Variants in KBTBD12 observed in about 807,000 individuals in gnomAD.
KBTBD12 encodes the protein kelch repeat and BTB domain containing 12.
A neutral mutation model predicts 58.7 loss-of-function variants in KBTBD12; 53 were observed. The observed-to-expected ratio is 0.90, with a 90% CI of 0.72 to 1.14. KBTBD12 has a LOEUF of 1.14. Ranked by LOEUF, KBTBD12 falls within the 50% of genes most tolerant of loss-of-function variation. The probability of loss-of-function intolerance (pLI) is 0.00; values close to 1 mark genes in which losing one functional copy is unlikely to be tolerated. For missense variants in KBTBD12, 704 were observed against 751.3 expected (o/e 0.94, Z 0.74); for synonymous variants, 236 against 259.8 (o/e 0.91, Z 0.88).
chr3:127,974,065 A>G (rs1191030340), intron 5 of KBTBD12, among the ~76,000 whole-genome samples: 1 of 152,226 alleles, frequency 6.6e-6, no homozygotes, highest in Non-Finnish European at 1.5e-5. Flanking sequence ...TCTATATCAT[A>G]TATATAAAAA....
rs771501564 is a variant in KBTBD12, at chr3:127,963,377, C to T, written c.1681C>T (p.His561Tyr). 1 of 1,608,506 alleles carries T rather than the reference C, an allele frequency of 6.2e-7. No homozygotes were observed. The highest frequency in any genetic ancestry group is 1.7e-5 in the Admixed American group (1 of 59,318). Residue 561 changes from histidine (H) to tyrosine (Y), a missense_variant, in exon 5 of 6, where the codon CAT becomes TAT. Transcript: ENST00000405109. ...DGKLYVCGGF[H>Y]GADRHEVISK... ...GAAACTCTATGTCTGCGGGGGATTCCATGGAGCAGGTATGGGTCCAGTTTT... is the reference window on the plus strand; with the variant it reads ...GAAACTCTATGTCTGCGGGGGATTCTATGGAGCAGGTATGGGTCCAGTTTT...
At chr3:127,970,494 C>T (rs1381311286) in intron 5 of KBTBD12, among the ~76,000 whole-genome samples, 1 of 152,196 alleles carries the variant, frequency 6.6e-6, no homozygotes, top group Non-Finnish European at 1.5e-5. Context: ...GCATTCGTCT[C>T]AGCCAAAAAG....
chr3:127,980,412 C>G (rs1182925840), intron 5 of KBTBD12, among the ~76,000 whole-genome samples: 2 of 152,214 alleles, frequency 1.3e-5, no homozygotes, highest in African/African-American at 4.8e-5. Flanking sequence ...TCATTGCAAC[C>G]TCTACCTCCT....
chr3:127,972,201 T>G (rs1940694827), intron 5 of KBTBD12, among the ~76,000 whole-genome samples: 1 of 152,182 alleles, frequency 6.6e-6, no homozygotes, highest in South Asian at 2.1e-4. Context: ...ATTTTAAAGG[T>G]GCAGAAACTG....
chr3:127,921,395 C>T (rs749629355), intron 1 of KBTBD12, among the ~76,000 whole-genome samples: 3 of 152,128 alleles, frequency 2.0e-5, no homozygotes, highest in African/African-American at 2.4e-5. Flanking sequence ...AACTTAGCTA[C>T]TTTACTTGTG....
intron 2 of KBTBD12, among the ~76,000 whole-genome samples, chr3:127,926,938 T>G (rs1939586088): frequency 1.3e-5 from 2 of 152,102 alleles, no homozygotes. Flanking sequence ...CTGTGTATCT[T>G]CAATCATGAT....
chr3:127,983,655 A>G (rs1373247230), intron 5 of KBTBD12, among the ~76,000 whole-genome samples: 3 of 152,186 alleles, frequency 2.0e-5, no homozygotes, highest in African/African-American at 7.2e-5. Flanking sequence ...CAGGAGGGTG[A>G]GGCGGGAGAA....
In KBTBD12 at chr3:127,952,356, G is replaced by C. The variant is rs79360868; in HGVS notation, c.1493-10833G>C. Among the ~76,000 whole-genome samples, 467 of 152,280 alleles carry C rather than the reference G, an allele frequency of 3.1e-3. 1 individual carries two copies. The highest frequency in any genetic ancestry group is 0.024 in the Middle Eastern group (7 of 294). On this transcript the variant is annotated intron_variant, in intron 4 of 5. Transcript: ENST00000405109. ...ATGTGAGTGATGTCCATTGGCCATT[G>C]AGTAATGTACTACTGTATTTGCTCC...
intron 5 of KBTBD12, among the ~76,000 whole-genome samples, chr3:127,965,880 G>GA (rs1310756688): frequency 2.6e-5 from 4 of 152,086 alleles, no homozygotes; most frequent in Admixed American, 6.5e-5. Context: ...ACTGGCAACA[G>GA]AAAAAACAAA....
At chr3:127,928,217 T>C in intron 3 of KBTBD12, 183 bp downstream of exon 3, 1 of 582,608 alleles carries the variant, frequency 1.7e-6, no homozygotes, top group Non-Finnish European at 3.0e-6. Context: ...AATGGATTTT[T>C]AAAGTGTGTT....
At chr3:127,924,731 C>T (rs899056709) in intron 2 of KBTBD12, among the ~76,000 whole-genome samples, 1 of 151,930 alleles carries the variant, frequency 6.6e-6, no homozygotes, top group African/African-American at 2.4e-5. Context: ...GTGGATTTTG[C>T]TTAAATCTCC....
chr3:127,976,242 T>G (rs983921167), intron 5 of KBTBD12, among the ~76,000 whole-genome samples: 5 of 152,252 alleles, frequency 3.3e-5, no homozygotes, highest in African/African-American at 7.2e-5. Context: ...ACTCTTAGTC[T>G]TCTAATTTTT....
chr3:127,933,733 C>G (rs1031416188), intron 4 of KBTBD12, among the ~76,000 whole-genome samples: 1 of 152,164 alleles, frequency 6.6e-6, no homozygotes, highest in Non-Finnish European at 1.5e-5. Flanking sequence ...CAGTGGAAGA[C>G]TTACTGGTGT....
intron 4 of KBTBD12, among the ~76,000 whole-genome samples, chr3:127,954,689 G>A (rs1303688909): frequency 6.6e-6 from 1 of 152,166 alleles, no homozygotes; most frequent in Non-Finnish European, 1.5e-5. Context: ...ATCTATTTAT[G>A]GAGGCAGTAG....
intron 4 of KBTBD12, among the ~76,000 whole-genome samples, chr3:127,959,355 G>A (rs1411687619): frequency 5.3e-5 from 8 of 152,170 alleles, no homozygotes; most frequent in Admixed American, 5.2e-4. Flanking sequence ...AGTCATGTCA[G>A]GGAGCTTTTC....
intron 4 of KBTBD12, among the ~76,000 whole-genome samples, chr3:127,942,616 TGTTA>T (rs1472069279): frequency 2.0e-5 from 3 of 149,176 alleles, no homozygotes; most frequent in South Asian, 2.1e-4. Flanking sequence ...AGCATTCTTG[TGTTA>T]GTTATATATA....
intron 4 of KBTBD12, among the ~76,000 whole-genome samples, chr3:127,953,527 G>C (rs1478851467): frequency 1.3e-5 from 2 of 152,210 alleles, no homozygotes; most frequent in African/African-American, 4.8e-5. Flanking sequence ...GGACATTGTG[G>C]CTAGCACTGA....
At position 127,987,217 on chromosome 3, in the gene KBTBD12, T is replaced by A. The variant is rs1940986637; in HGVS notation, c.*2939T>A. 6.6e-6 allele frequency: 1 copy of A among 152,220 alleles called. No homozygotes were observed. The highest frequency in any genetic ancestry group is 2.1e-4 in the South Asian group (1 of 4,830). 9.4% of individuals were successfully genotyped at this position (152,220 alleles called of 1,614,324 possible). On this transcript the variant is annotated 3_prime_UTR_variant, in exon 6 of 6. Transcript: ENST00000405109. ...TGCTTCACAGATTTCAGATGTCTGA[T>A]CTTGATTTTTCTTTGATTCCATACA...
In KBTBD12 at chr3:127,928,004, A is replaced by G; in HGVS notation, c.1311A>G (p.Lys437=). The G allele has an allele frequency of 6.2e-7, 1 of 1,613,466 alleles. No individual in the cohort carries two copies. The highest frequency in any genetic ancestry group is 1.3e-5 in the African/African-American group (1 of 74,988). ...ACHAVVTVNN[K]LYVIGGWTPQ... ...ATGCTGTAGTGACAGTGAATAATAAACTTTATGTAATTGGAGGCTGGACCC... is the reference window on the plus strand; with the variant it reads ...ATGCTGTAGTGACAGTGAATAATAAGCTTTATGTAATTGGAGGCTGGACCC... The change falls in exon 3 of 6, where the codon AAA becomes AAG. Residue 437 remains lysine, a synonymous_variant. Transcript: ENST00000405109.
Sources: allele counts gnomAD v4.1 joint callset (sites outside exome capture counted in the v4.1 genomes callset), GRCh38; gene constraint gnomAD v4.1.1; transcripts MANE v1.5; gene names NCBI Gene and HGNC (gene_info 2026-07-23, HGNC 2026-07-21).